The following SDK1 variants were observed in gnomAD, a reference collection of about 807,000 sequenced individuals.
The protein encoded by SDK1 is protein sidekick-1.
SDK1 carries 157 observed loss-of-function variants against 245.5 expected under a neutral mutation model. The observed-to-expected ratio is 0.64, with a 90% CI of 0.56 to 0.73. SDK1 has a LOEUF of 0.73. Ranked by LOEUF, SDK1 falls within the 30% of genes least tolerant of loss-of-function variation. The probability of loss-of-function intolerance (pLI) is 0.00; values close to 1 mark genes in which losing one functional copy is unlikely to be tolerated. For synonymous variants in SDK1, 1,647 were observed against 1,278.5 expected, an observed-to-expected ratio of 1.29 and a Z score of -6.15; for missense variants, 3,583 against 3,002.3, an observed-to-expected ratio of 1.19 and a Z score of -4.52.
At chr7:3,319,260 AC>A (rs1283083977) in intron 1 of SDK1, among the ~76,000 whole-genome samples, 1 of 152,020 alleles carries the variant, frequency 6.6e-6, no homozygotes, top group Admixed American at 6.6e-5. Flanking sequence ...GGAAGCCCCC[AC>A]CCTTTTCCAC....
Position 3,434,062 on chromosome 7 carries a change from C to T in SDK1, c.298+132178C>T, listed in dbSNP as rs535255136. Reference sequence around the variant, plus strand: ...TTTGTGCAGTCAATAGAAGGAGGTGCAACAATGAAACAGAAACAAGGCAAA... The same window carrying T: ...TTTGTGCAGTCAATAGAAGGAGGTGTAACAATGAAACAGAAACAAGGCAAA... On this transcript the variant is annotated intron_variant, in intron 1 of 44. Transcript: ENST00000404826. Among the ~76,000 whole-genome samples, 3 of 152,220 alleles carry T rather than the reference C, an allele frequency of 2.0e-5. No homozygotes were observed. The South Asian group carries it at 6.2e-4, about 32-fold the overall frequency.
At chr7:3,480,458 G>T (rs984304487) in intron 1 of SDK1, among the ~76,000 whole-genome samples, 1 of 151,418 alleles carries the variant, frequency 6.6e-6, no homozygotes, top group African/African-American at 2.4e-5. Flanking sequence ...CCGTGTTCCA[G>T]ATAAGCTGCC....
At chr7:3,961,998 C>T (rs1562578686) in intron 8 of SDK1, among the ~76,000 whole-genome samples, 1 of 151,914 alleles carries the variant, frequency 6.6e-6, no homozygotes, top group Non-Finnish European at 1.5e-5. Context: ...CAAACACACA[C>T]ACATACACAC....
At chr7:3,589,744 A>G (rs768499860) in intron 1 of SDK1, among the ~76,000 whole-genome samples, 2 of 152,116 alleles carry the variant, frequency 1.3e-5, no homozygotes, top group Non-Finnish European at 2.9e-5. Flanking sequence ...AACCACCCCC[A>G]TGATTCGATT....
chr7:3,507,228 G>A (rs748253116), intron 1 of SDK1, among the ~76,000 whole-genome samples: 28 of 152,120 alleles, frequency 1.8e-4, no homozygotes, highest in Non-Finnish European at 3.8e-4. Context: ...AGTAGTTGTC[G>A]TTTTTTGTGT....
chr7:3,667,895 G>A (rs1169461767), intron 4 of SDK1, among the ~76,000 whole-genome samples: 1 of 152,186 alleles, frequency 6.6e-6, no homozygotes, highest in Non-Finnish European at 1.5e-5. Flanking sequence ...TGCAAATAAA[G>A]ATGCTAGAAA....
chr7:3,533,685 C>G (rs896245502), intron 1 of SDK1, among the ~76,000 whole-genome samples: 1 of 152,028 alleles, frequency 6.6e-6, no homozygotes, highest in Non-Finnish European at 1.5e-5. Context: ...TCTTTTATCT[C>G]TTTTAAGAAC....
intron 4 of SDK1, among the ~76,000 whole-genome samples, chr7:3,776,877 A>G (rs895199451): frequency 1.3e-5 from 2 of 152,112 alleles, no homozygotes; most frequent in African/African-American, 4.8e-5. Flanking sequence ...CATATAGTGA[A>G]ACTTCTCAAA....
At chr7:3,995,954 C>G (rs997359671) in intron 14 of SDK1, among the ~76,000 whole-genome samples, 1 of 151,958 alleles carries the variant, frequency 6.6e-6, no homozygotes, top group Non-Finnish European at 1.5e-5. Flanking sequence ...TCCTTTGTCA[C>G]TTCATTACTT....
chr7:3,871,916 T>C (rs1005808378), intron 5 of SDK1, among the ~76,000 whole-genome samples: 3 of 152,246 alleles, frequency 2.0e-5, no homozygotes, highest in African/African-American at 7.2e-5. Flanking sequence ...TCTTTTACCA[T>C]TAAATCTGAT....
intron 1 of SDK1, among the ~76,000 whole-genome samples, chr7:3,505,782 T>C (rs970156616): frequency 6.6e-6 from 1 of 152,164 alleles, no homozygotes; most frequent in African/African-American, 2.4e-5. Context: ...AACTGACCTT[T>C]TGAGTATGCA....
intron 5 of SDK1, among the ~76,000 whole-genome samples, chr7:3,922,183 G>A (rs140195472): frequency 1.3e-5 from 2 of 151,254 alleles, no homozygotes; most frequent in East Asian, 1.9e-4. Context: ...TTAAGACGCC[G>A]GAGAAGGTGA....
At chr7:3,839,863 T>C (rs1276328263) in intron 5 of SDK1, among the ~76,000 whole-genome samples, 1 of 152,232 alleles carries the variant, frequency 6.6e-6, no homozygotes, top group Non-Finnish European at 1.5e-5. Context: ...ATTATTGTAA[T>C]ATCTGTCTTT....
chr7:3,492,208 T>C (rs1781882983), intron 1 of SDK1, among the ~76,000 whole-genome samples: 1 of 152,216 alleles, frequency 6.6e-6, no homozygotes, highest in African/African-American at 2.4e-5. Flanking sequence ...GTTCAGTCTT[T>C]CTTCTCTGCT....
intron 4 of SDK1, among the ~76,000 whole-genome samples, chr7:3,657,338 C>G (rs1225208275): frequency 6.6e-6 from 1 of 152,190 alleles, no homozygotes; most frequent in Non-Finnish European, 1.5e-5. Flanking sequence ...CACCCAGTGT[C>G]TACAGGGTGG....
chr7:4,199,418 A>G (rs1015456327), intron 35 of SDK1, among the ~76,000 whole-genome samples: 3 of 152,212 alleles, frequency 2.0e-5, no homozygotes, highest in African/African-American at 7.2e-5. Context: ...TGGAAGCACT[A>G]TTTCCTGATG....
chr7:3,653,571 A>G (rs1783071819), intron 4 of SDK1, among the ~76,000 whole-genome samples: 1 of 152,158 alleles, frequency 6.6e-6, no homozygotes, highest in Non-Finnish European at 1.5e-5. Context: ...TAGGGATTCC[A>G]GGGCTACAGT....
Position 4,254,334 on chromosome 7 carries a change from C to T in SDK1, c.6381+8529C>T, listed in dbSNP as rs937338044. Among the ~76,000 whole-genome samples, 7 of 152,052 alleles carry T rather than the reference C, an allele frequency of 4.6e-5. No individual in the cohort carries two copies. The South Asian group carries it at 6.2e-4, about 13-fold the overall frequency. On this transcript the variant is annotated intron_variant, in intron 44 of 44. Coordinates refer to ENST00000404826, the MANE Select transcript of SDK1 (RefSeq NM_152744.4). ...TTTTAAAAGTCTTTTCTTCAGACTG[C>T]GTAATCTCTATCAATCTATCTTTAA...
At chr7:3,365,864 C>CT (rs1479605784) in intron 1 of SDK1, among the ~76,000 whole-genome samples, 3 of 151,954 alleles carry the variant, frequency 2.0e-5, no homozygotes, top group Admixed American at 6.6e-5. Flanking sequence ...TGGTGAAACT[C>CT]TGTCTCTACT....
Sources: gnomAD v4.1 joint callset for allele counts (sites outside exome capture counted in the v4.1 genomes callset) on GRCh38, gnomAD v4.1.1 for gene constraint, MANE v1.5 for transcripts, NCBI Gene and HGNC (gene_info 2026-07-23, HGNC 2026-07-21) for gene names.